The following RSPH9 variants were observed in gnomAD, a reference collection of about 807,000 sequenced individuals.
The protein encoded by RSPH9 is radial spoke head component 9.
RSPH9 carries 27 observed loss-of-function variants against 27.0 expected under a neutral mutation model. That is an observed-to-expected ratio of 1.00 (90% CI 0.74 to 1.38). The LOEUF is 1.38. RSPH9 is among the 40% of genes most tolerant of loss of function. The pLI is 0.00. For missense variants in RSPH9, 347 were observed against 357.4 expected (o/e 0.97, Z 0.24); for synonymous variants, 145 against 147.7 (o/e 0.98, Z 0.13).
In RSPH9 at chr6:43,645,342, G is replaced by T. The variant is rs1295113893; in HGVS notation, c.227+17G>T. 6.3e-7 allele frequency: 1 copy of T among 1,597,616 alleles called. No individual in the cohort carries two copies. ...GCTCTATAGGTGAGGAGGCCCCCGG[G>T]ACGGGCTCCCCAGAGGGTGGCTACC... is the stretch of plus-strand genomic sequence containing the variant. On this transcript the variant is annotated intron_variant, in intron 1 of 4. Transcript: ENST00000372163.
At chr6:43,653,390 T>C (rs1468351795) in intron 2 of RSPH9, among the ~76,000 whole-genome samples, 1 of 139,798 alleles carries the variant, frequency 7.2e-6, no homozygotes, top group Non-Finnish European at 1.5e-5. Flanking sequence ...GAGGTTGCAG[T>C]GAGCCAAGAT....
At chr6:43,655,297 C>T (rs889191946) in intron 2 of RSPH9, among the ~76,000 whole-genome samples, 9 of 152,102 alleles carry the variant, frequency 5.9e-5, no homozygotes, top group Non-Finnish European at 1.2e-4. Context: ...ACTAGGGTCT[C>T]GGACTGGGGT....
Position 43,670,847 on chromosome 6 carries a change from C to G in RSPH9, c.729C>G (p.Leu243=), listed in dbSNP as rs772102571. The change falls in exon 5 of 5, where the codon CTC becomes CTG. Residue 243 remains leucine (L), a synonymous_variant. Transcript: ENST00000372163. Reference sequence around the variant, plus strand: ...CCCTGGTGGTGCTGCGCAGCCTGCTCTGGCCGGGCCTCACCTTCTACCATG... The same window carrying G: ...CCCTGGTGGTGCTGCGCAGCCTGCTGTGGCCGGGCCTCACCTTCTACCATG... ...GNALVVLRSL[L]WPGLTFYHAP... is the part of the protein sequence containing the mutation. 7 of 1,614,106 alleles carry G rather than the reference C, an allele frequency of 4.3e-6. No individual in the cohort carries two copies. The highest frequency in any genetic ancestry group is 1.1e-5 in the South Asian group (1 of 91,092).
intron 4 of RSPH9, among the ~76,000 whole-genome samples, chr6:43,668,194 G>C (rs936473064): frequency 1.3e-5 from 2 of 152,190 alleles, no homozygotes; most frequent in Admixed American, 6.5e-5. Flanking sequence ...GGTGACAGCA[G>C]CTGGCTGGGC....
chr6:43,656,041 TCTTTC>T (rs1561940198), intron 3 of RSPH9, among the ~76,000 whole-genome samples: 81 of 76,000 alleles, frequency 1.1e-3, no homozygotes, highest in South Asian at 2.2e-3. Flanking sequence ...TCCTTCCCCT[TCTTTC>T]CCTTCTTTCC....
chr6:43,662,968 A>AT (rs112384061), intron 4 of RSPH9, among the ~76,000 whole-genome samples: 37,047 of 148,298 alleles, frequency 0.25, 7,852 homozygotes, highest in African/African-American at 0.58. Context: ...CATACCTGGC[A>AT]TTTTTTTTTT....
At chr6:43,665,473 C>T (rs1293200425) in intron 4 of RSPH9, among the ~76,000 whole-genome samples, 1 of 152,230 alleles carries the variant, frequency 6.6e-6, no homozygotes, top group African/African-American at 2.4e-5. Flanking sequence ...GCATTCCAGC[C>T]TGGTGAGCCA....
At chr6:43,650,154 T>A (rs773555103) in intron 1 of RSPH9, among the ~76,000 whole-genome samples, 1 of 152,214 alleles carries the variant, frequency 6.6e-6, no homozygotes, top group Non-Finnish European at 1.5e-5. Context: ...CCTCAAGTGA[T>A]CCGCTCACCT....
intron 4 of RSPH9, among the ~76,000 whole-genome samples, chr6:43,661,399 G>A (rs1226360869): frequency 6.6e-6 from 1 of 152,140 alleles, no homozygotes; most frequent in Non-Finnish European, 1.5e-5. Flanking sequence ...GGTGGCTCAC[G>A]CCTGTCATCT....
chr6:43,667,984 G>A (rs1773315530), intron 4 of RSPH9, among the ~76,000 whole-genome samples: 1 of 152,104 alleles, frequency 6.6e-6, no homozygotes, highest in Admixed American at 6.6e-5. Context: ...TAGCAAGGTG[G>A]GTGAGACCCT....
Position 43,650,526 on chromosome 6 carries a change from G to A in RSPH9, c.379G>A (p.Glu127Lys). 6.2e-7 allele frequency: 1 copy of A among 1,614,138 alleles called. No homozygotes were observed. The highest frequency in any genetic ancestry group is 8.5e-7 in the Non-Finnish European group (1 of 1,180,002). ...QKVNEGEKVF[E>K]EEIVVQIKEE... ...GGTGAATGAAGGTGAAAAAGTCTTT[G>A]AAGAAGAAATAGTGGTGAGTGAAGA... The change falls in exon 2 of 5, where the codon GAA becomes AAA. Residue 127 changes from glutamate (E) to lysine (K), a missense_variant. By Grantham distance (56) the Glu-to-Lys change is moderately conservative (BLOSUM62 1). Coordinates refer to ENST00000372163, the MANE Select transcript of RSPH9 (RefSeq NM_152732.5).
At chr6:43,652,972 C>T (rs1771638232) in intron 2 of RSPH9, among the ~76,000 whole-genome samples, 2 of 152,014 alleles carry the variant, frequency 1.3e-5, no homozygotes, top group Non-Finnish European at 2.9e-5. Flanking sequence ...GTGCATACCA[C>T]CATACCTGGC....
chr6:43,655,605 A>C lies in RSPH9; in HGVS notation c.437A>C (p.Gln146Pro). ...ACCCGCTTGGTGTCTGTCATTGACC[A>C]GATTGACAAGGCTGTGGCCATCATC... ...EETRLVSVID[Q>P]IDKAVAIIPR... The change falls in exon 3 of 5, where the codon CAG becomes CCG. Residue 146 changes from glutamine to proline, a missense_variant. Physicochemically the swap from Gln to Pro is moderately conservative, Grantham distance 76 (BLOSUM62 -1). Coordinates refer to ENST00000372163, the MANE Select transcript of RSPH9 (RefSeq NM_152732.5). 1 of 1,614,172 alleles carries C rather than the reference A, an allele frequency of 6.2e-7. No individual in the cohort carries two copies. Among genetic ancestry groups the C allele is most frequent in the South Asian group, 1.1e-5 (1 of 91,086 alleles).
chr6:43,671,700 G>T lies in RSPH9; in HGVS notation c.*751G>T. 2 of 1,598,982 alleles carry T rather than the reference G, an allele frequency of 1.3e-6. No homozygotes were observed. Among genetic ancestry groups the T allele is most frequent in the East Asian group, 2.2e-5 (1 of 44,802 alleles). On this transcript the variant is annotated 3_prime_UTR_variant, in exon 5 of 5. Coordinates refer to ENST00000372163, the MANE Select transcript of RSPH9 (RefSeq NM_152732.5). ...GGAGTATAGTTGTGGCCAAGGGCTT[G>T]TGAGTGGGCCTCCTACTCCCCAGCA...
Position 43,655,699 on chromosome 6 carries a change from C to T in RSPH9, c.523+8C>T, listed in dbSNP as rs1016419091. 6.2e-6 allele frequency: 10 copies of T among 1,614,218 alleles called. No homozygotes were observed. The highest frequency in any genetic ancestry group is 8.5e-6 in the Non-Finnish European group (10 of 1,180,022). On this transcript the variant is annotated splice_region_variant and intron_variant, in intron 3 of 4. Transcript: ENST00000372163. ...TCAATCGGACCTTTGAAGGTGAGTT[C>T]TCTGGGGCCCCTCTCAAGGGCTGGG... is the stretch of plus-strand genomic sequence containing the variant.
chr6:43,646,555 G>C (rs1770889665), intron 1 of RSPH9, among the ~76,000 whole-genome samples: 1 of 151,552 alleles, frequency 6.6e-6, no homozygotes, highest in African/African-American at 2.4e-5. Context: ...GGGATTACAG[G>C]CGTGAGCCAC....
At chr6:43,665,326 T>C (rs1773035195) in intron 4 of RSPH9, among the ~76,000 whole-genome samples, 1 of 152,152 alleles carries the variant, frequency 6.6e-6, no homozygotes, top group South Asian at 2.1e-4. Context: ...ATGTGGAGCT[T>C]TGGAGTCTTC....
At chr6:43,668,786 T>TA (rs1461760462) in intron 4 of RSPH9, among the ~76,000 whole-genome samples, 3 of 152,212 alleles carry the variant, frequency 2.0e-5, no homozygotes, top group African/African-American at 4.8e-5. Context: ...AGTAGGCAGA[T>TA]AGAGATGAGG....
At chr6:43,655,018 A>G (rs1297104923) in intron 2 of RSPH9, among the ~76,000 whole-genome samples, 7 of 152,180 alleles carry the variant, frequency 4.6e-5, no homozygotes, top group Admixed American at 3.3e-4. Flanking sequence ...GTCTCAAAAC[A>G]AAAACAAAAT....
Sources: allele counts gnomAD v4.1 joint callset (sites outside exome capture counted in the v4.1 genomes callset), GRCh38; gene constraint gnomAD v4.1.1; transcripts MANE v1.5; gene names NCBI Gene and HGNC (gene_info 2026-07-23, HGNC 2026-07-21).